The following ZNF77 variants were observed in gnomAD, a reference collection of about 807,000 sequenced individuals.
ZNF77 encodes zinc finger protein 77.
Under a neutral mutation model 13.5 loss-of-function variants are expected in ZNF77, and 15 were observed. That is an observed-to-expected ratio of 1.11 (90% CI 0.74 to 1.71). ZNF77 has a LOEUF of 1.71. Among genes scored for constraint, ZNF77 ranks in the 40% most tolerant of loss-of-function variants. The pLI, the probability that ZNF77 is intolerant of heterozygous loss-of-function variation, is 0.00. For missense variants in ZNF77, 717 were observed against 676.4 expected, an observed-to-expected ratio of 1.06 and a Z score of -0.67; for synonymous variants, 282 against 250.0, an observed-to-expected ratio of 1.13 and a Z score of -1.21.
At chr19:2,937,362 G>A (rs1426776577) in intron 2 of ZNF77, among the ~76,000 whole-genome samples, 1 of 151,960 alleles carries the variant, frequency 6.6e-6, no homozygotes, top group African/African-American at 2.4e-5. Context: ...GCACGTGCCT[G>A]TAATCCCAGC....
chr19:2,939,569 G>T, intron 1 of ZNF77, 162 bp from the exon 2 acceptor site: 1 of 938,192 alleles, frequency 1.1e-6, no homozygotes, highest in Non-Finnish European at 1.6e-6. Flanking sequence ...TCAATGCCGT[G>T]AGTACCTTCC....
chr19:2,938,824 T>G (rs368173872), intron 2 of ZNF77, among the ~76,000 whole-genome samples: 2 of 151,994 alleles, frequency 1.3e-5, no homozygotes, highest in African/African-American at 2.4e-5. Context: ...GGCGTGGTGG[T>G]GGGCACCTGT....
Position 2,944,889 on chromosome 19 carries a change from G to T in ZNF77, c.-49C>A, listed in dbSNP as rs1349255762. The stretch of plus-strand genomic sequence containing the variant: ...CAGGGTTAGCGCCCCGCGGTCCAGC[G>T]ACCGGCGCAGGTGAGCACGACAGGA... On this transcript the variant is annotated 5_prime_UTR_variant, in exon 1 of 4. Coordinates refer to ENST00000314531, the MANE Select transcript of ZNF77 (RefSeq NM_021217.3). The T allele has an allele frequency of 2.0e-6, 3 of 1,521,012 alleles. No homozygotes were observed. The highest frequency in any genetic ancestry group is 2.4e-5 in the South Asian group (2 of 82,072). 94.2% of individuals were successfully genotyped at this position (1,521,012 alleles called of 1,614,324 possible).
Position 2,934,599 on chromosome 19 carries a change from G to A in ZNF77, c.528C>T (p.Cys176=). ...TCTGCGTTTTCATAGGAGGGCTTTGGCAGGAGAGGCAGCTGCAGGCTTGCC... is the reference window on the plus strand; with the variant it reads ...TCTGCGTTTTCATAGGAGGGCTTTGACAGGAGAGGCAGCTGCAGGCTTGCC... ...ECGQACSCLS[C]QSPPMKTQTV... is the part of the protein sequence containing the mutation. Residue 176 remains cysteine, a synonymous_variant, in exon 4 of 4, where the codon TGC becomes TGT. Coordinates refer to ENST00000314531, the MANE Select transcript of ZNF77 (RefSeq NM_021217.3). The A allele has an allele frequency of 6.2e-7, 1 of 1,614,118 alleles. No individual in the cohort carries two copies. Among genetic ancestry groups the A allele is most frequent in the Non-Finnish European group, 8.5e-7 (1 of 1,180,006 alleles).
At chr19:2,937,512 A>C (rs2144963098) in intron 2 of ZNF77, among the ~76,000 whole-genome samples, 1 of 152,082 alleles carries the variant, frequency 6.6e-6, no homozygotes, top group Non-Finnish European at 1.5e-5. Flanking sequence ...AAAAGAAGAG[A>C]TAAACGTGGC....
At position 2,934,185 on chromosome 19, in the gene ZNF77, G is replaced by GT. The variant is rs1599616512; in HGVS notation, c.941dup (p.His314GlnfsTer14). Reference sequence around the variant, plus strand: ...GTTTCTCTCCAGTGTGCGTCCTCACGTGATCTCTAAAGGAGGAGTAACAGC... The same window carrying GT: ...GTTTCTCTCCAGTGTGCGTCCTCACGTTGATCTCTAAAGGAGGAGTAACAGC... On this transcript the variant is annotated frameshift_variant, in exon 4 of 4. Transcript: ENST00000314531. LOFTEE classifies it low-confidence loss of function (END_TRUNC). 2 of 1,614,054 alleles carry GT rather than the reference G, an allele frequency of 1.2e-6. No homozygotes were observed. The highest frequency in any genetic ancestry group is 1.7e-6 in the Non-Finnish European group (2 of 1,179,992).
Position 2,934,720 on chromosome 19 carries a change from G to A in ZNF77, c.407C>T (p.Pro136Leu), listed in dbSNP as rs267605401. 6.2e-7 allele frequency: 1 copy of A among 1,614,176 alleles called. No individual in the cohort carries two copies. The highest frequency in any genetic ancestry group is 1.1e-5 in the South Asian group (1 of 91,080). Residue 136 changes from proline (P) to leucine (L), a missense_variant, in exon 4 of 4, where the codon CCT becomes CTT. Coordinates refer to ENST00000314531, the MANE Select transcript of ZNF77 (RefSeq NM_021217.3). ...TANLLVHKSYPTEAKPSECTK... is the reference protein window; with the variant it reads ...TANLLVHKSYLTEAKPSECTK... ...GCACTCAGAGGGTTTAGCTTCGGTA[G>A]GGTAACTCTTGTGCACAAGAAGGTT... is the stretch of plus-strand genomic sequence containing the variant.
At chr19:2,941,664 T>C (rs1203042339) in intron 1 of ZNF77, among the ~76,000 whole-genome samples, 1 of 152,136 alleles carries the variant, frequency 6.6e-6, no homozygotes, top group East Asian at 1.9e-4. Flanking sequence ...AGTTAATGAT[T>C]ATCCTCATGA....
intron 1 of ZNF77, among the ~76,000 whole-genome samples, chr19:2,941,729 G>A (rs192257501): frequency 2.1e-4 from 32 of 152,296 alleles, no homozygotes; most frequent in African/African-American, 6.0e-4. Flanking sequence ...ACTGTGGGTC[G>A]TATATTACAG....
In ZNF77 at chr19:2,939,585, G is replaced by C. The variant is rs550622923; in HGVS notation, c.4-178C>G. ...CAATGCCGTGAGTACCTTCCCAACA[G>C]GGAGCAAAGCGCAATGACGGCCTCT... On this transcript the variant is annotated intron_variant, in intron 1 of 3. Transcript: ENST00000314531. 33 of 785,382 alleles carry C rather than the reference G, an allele frequency of 4.2e-5. No homozygotes were observed. The African/African-American group carries it at 5.3e-4, about 13-fold the overall frequency. The allele number at this position is 785,382 out of a possible 1,614,324, so 48.7% of individuals were successfully genotyped here.
chr19:2,944,841 G>T lies in ZNF77; in HGVS notation c.-1C>A, dbSNP rs2144974003. 6.6e-7 allele frequency: 1 copy of T among 1,526,278 alleles called. No individual in the cohort carries two copies. Among genetic ancestry groups the T allele is most frequent in the East Asian group, 2.5e-5 (1 of 39,824 alleles). The allele number at this position is 1,526,278 out of a possible 1,614,324, so 94.5% of individuals were successfully genotyped here. On this transcript the variant is annotated 5_prime_UTR_variant, in exon 1 of 4. Coordinates refer to ENST00000314531, the MANE Select transcript of ZNF77 (RefSeq NM_021217.3). ...TCGGCTCCCGCCCGGCACTCACCATGTCCCGCCCGCTCCTGGGCTCTCCAG... is the reference window on the plus strand; with the variant it reads ...TCGGCTCCCGCCCGGCACTCACCATTTCCCGCCCGCTCCTGGGCTCTCCAG...
At chr19:2,941,215 C>T (rs908057591) in intron 1 of ZNF77, among the ~76,000 whole-genome samples, 9 of 147,676 alleles carry the variant, frequency 6.1e-5, no homozygotes, top group African/African-American at 2.0e-4. Context: ...AGGTGGCTCA[C>T]ACCTGTAATC....
At chr19:2,936,794 C>A in intron 2 of ZNF77, 90 bp from the exon 3 acceptor site, 3 of 1,180,054 alleles carry the variant, frequency 2.5e-6, no homozygotes, top group Middle Eastern at 2.4e-4. Context: ...TATAGTAATC[C>A]AAAAATGTAC....
chr19:2,938,685 G>A (rs895617668), intron 2 of ZNF77, among the ~76,000 whole-genome samples: 11 of 152,140 alleles, frequency 7.2e-5, no homozygotes, highest in East Asian at 5.8e-4. Flanking sequence ...GGCCGGGCGC[G>A]GTGGCTCACG....
In ZNF77 at chr19:2,942,174, C is replaced by G. The variant is rs77664718; in HGVS notation, c.3+2664G>C. Among the ~76,000 whole-genome samples, 709 of 151,034 alleles carry G rather than the reference C, an allele frequency of 4.7e-3. 4 individuals are homozygous for G. Among genetic ancestry groups the G allele is most frequent in the Non-Finnish European group, 6.1e-3 (415 of 67,824 alleles). On this transcript the variant is annotated intron_variant, in intron 1 of 3. Transcript: ENST00000314531. Reference sequence around the variant, plus strand: ...GCAACCTCCGCCTCCCCGGTTCAAGCGATTCTCCTGCCTCAGACTCCCAAG... The same window carrying G: ...GCAACCTCCGCCTCCCCGGTTCAAGGGATTCTCCTGCCTCAGACTCCCAAG...
chr19:2,940,478 T>A (rs12151201), intron 1 of ZNF77, among the ~76,000 whole-genome samples: 1 of 151,882 alleles, frequency 6.6e-6, no homozygotes, highest in African/African-American at 2.4e-5. Flanking sequence ...ATCAAGACCA[T>A]CCTGGCCAAC....
In ZNF77 at chr19:2,942,370, C is replaced by CTTTTTT. The variant is rs71179937; in HGVS notation, c.3+2462_3+2467dup. 2.0e-5 allele frequency among the ~76,000 whole-genome samples: 2 copies of CTTTTTT among 102,092 alleles called. 1 individual carries two copies. 67.0% of individuals were successfully genotyped at this position (102,092 alleles called of 152,430 possible). ...CAGGTGTGAGCCACCGCGCCCGGCT[C>CTTTTTT]TTTTTTTTTTTTTTTTTTTTTCCAG... On this transcript the variant is annotated intron_variant, in intron 1 of 3. Transcript: ENST00000314531.
chr19:2,933,237 ATATT>A lies in ZNF77; in HGVS notation c.*248_*251del, dbSNP rs1163702867. On this transcript the variant is annotated 3_prime_UTR_variant, in exon 4 of 4. Transcript: ENST00000314531. ...CATAGCTGAAAGCGTACAAAACAGG[ATATT>A]TATTAAATGTTTATATCACAAACAT... is the stretch of plus-strand genomic sequence containing the variant. 7 of 383,950 alleles carry A rather than the reference ATATT, an allele frequency of 1.8e-5. No individual in the cohort carries two copies. The highest frequency in any genetic ancestry group is 9.2e-6 in the Non-Finnish European group (2 of 216,920). The allele number at this position is 383,950 out of a possible 1,614,324, so 23.8% of individuals were successfully genotyped here.
intron 2 of ZNF77, among the ~76,000 whole-genome samples, chr19:2,938,653 A>T (rs888630792): frequency 2.0e-5 from 3 of 152,212 alleles, no homozygotes; most frequent in African/African-American, 7.2e-5. Context: ...AGCTCAAATA[A>T]AAAGAAAAAC....
Sources: allele counts gnomAD v4.1 joint callset (sites outside exome capture counted in the v4.1 genomes callset), GRCh38; gene constraint gnomAD v4.1.1; transcripts MANE v1.5; gene names NCBI Gene and HGNC (gene_info 2026-07-23, HGNC 2026-07-21).